Variants in RHOBTB2 observed in about 807,000 individuals in gnomAD.
The protein encoded by RHOBTB2 is rho-related BTB domain-containing protein 2.
A neutral mutation model predicts 66.5 loss-of-function variants in RHOBTB2; 39 were observed. The ratio of observed to expected loss-of-function variants is 0.59; its 90% CI spans 0.45 to 0.77. RHOBTB2 has a LOEUF of 0.77. Among genes scored for constraint, RHOBTB2 ranks in the 30% least tolerant of loss-of-function variants. The pLI, the probability that RHOBTB2 is intolerant of heterozygous loss-of-function variation, is 0.00. For synonymous variants in RHOBTB2, 390 were observed against 395.0 expected, an observed-to-expected ratio of 0.99 and a Z score of 0.15; for missense variants, 755 against 999.1, an observed-to-expected ratio of 0.76 and a Z score of 3.29.
chr8:22,997,030 G>A (rs947102747), upstream of RHOBTB2, among the ~76,000 whole-genome samples: 5 of 152,160 alleles, frequency 3.3e-5, no homozygotes, highest in Admixed American at 1.3e-4. Context: ...ACAGGCCGGC[G>A]GCTGCAGCTT....
chr8:23,019,917 A>ATCTC lies in RHOBTB2; in HGVS notation c.*2448_*2449insTCTC. On this transcript the variant is annotated 3_prime_UTR_variant, in exon 10 of 10. Transcript: ENST00000251822. The stretch of plus-strand genomic sequence containing the variant: ...AGAGGGAGGAGCAGGCAGGAGAGAG[A>ATCTC]GGGGAAGGAGGTATGAATCCCAGTC... 4.3e-6 allele frequency: 1 copy of ATCTC among 230,802 alleles called. No homozygotes were observed. The highest frequency in any genetic ancestry group is 5.5e-5 in the South Asian group (1 of 18,136). 14.3% of individuals were successfully genotyped at this position (230,802 alleles called of 1,614,324 possible). A position where few individuals can be genotyped will look rare whatever the true frequency, so the allele number is the denominator to read the frequency against.
Position 23,004,351 on chromosome 8 carries a change from C to T in RHOBTB2, c.-10-74C>T, listed in dbSNP as rs114528525. 1,354 of 1,285,168 alleles carry T rather than the reference C, an allele frequency of 1.1e-3. 16 individuals are homozygous for T. In the African/African-American group the frequency reaches 0.018, roughly 17 times the overall value. 79.6% of individuals were successfully genotyped at this position (1,285,168 alleles called of 1,614,324 possible). A position where few individuals can be genotyped will look rare whatever the true frequency, so the allele number is the denominator to read the frequency against. On this transcript the variant is annotated intron_variant, in intron 1 of 9. Transcript: ENST00000251822. This position sits in a 1 kb window ranked among gnomAD's most constrained non-coding sequence, Gnocchi z 6.4. ...GAGGGGGCAGCCTGGCTGAGGAGAGCTGCGGGTGCTGGCCCTGGCCCACGG... is the reference window on the plus strand; with the variant it reads ...GAGGGGGCAGCCTGGCTGAGGAGAGTTGCGGGTGCTGGCCCTGGCCCACGG...
In RHOBTB2 at chr8:23,019,763, G is replaced by A. The variant is rs145025761; in HGVS notation, c.*2294G>A. The stretch of plus-strand genomic sequence containing the variant: ...ACGGGATTCCCTGAGAAACAGGGCC[G>A]GCCCCCCAACTTCAGGGACCCACCG... On this transcript the variant is annotated 3_prime_UTR_variant, in exon 10 of 10. Coordinates refer to ENST00000251822, the MANE Select transcript of RHOBTB2 (RefSeq NM_015178.3). 14 of 160,330 alleles carry A rather than the reference G, an allele frequency of 8.7e-5. No homozygotes were observed. In the East Asian group the frequency reaches 1.1e-3, roughly 13 times the overall value. 9.9% of individuals were successfully genotyped at this position (160,330 alleles called of 1,614,324 possible).
intron 7 of RHOBTB2, 69 bp from the exon 8 acceptor site, chr8:23,014,621 G>T: frequency 7.2e-7 from 1 of 1,383,626 alleles, no homozygotes; most frequent in East Asian, 2.4e-5. Flanking sequence ...TGAGCTGGGG[G>T]ATGTGGTGGG....
At chr8:22,954,809 T>C in the RHOBTB2 span, among the ~76,000 whole-genome samples, 1 of 152,098 alleles carries the variant, frequency 6.6e-6, no homozygotes, top group Non-Finnish European at 1.5e-5. Context: ...TTTGACTATA[T>C]CTAAAACAAA....
intron 2 of RHOBTB2, among the ~76,000 whole-genome samples, chr8:22,992,769 A>T (rs1422262611): frequency 6.6e-6 from 1 of 152,234 alleles, no homozygotes; most frequent in East Asian, 1.9e-4. Flanking sequence ...ACCATGCCCC[A>T]ATTTCTTTAC....
chr8:23,008,168 A>G, intron 6 of RHOBTB2, 57 bp downstream of exon 6: 1 of 1,196,144 alleles, frequency 8.4e-7, no homozygotes, highest in South Asian at 1.3e-5. Context: ...CACCCTTTAC[A>G]TCTGAGGCAC....
In RHOBTB2 at chr8:23,017,149, C is replaced by T; in HGVS notation, c.1967-103C>T. The T allele has an allele frequency of 1.4e-6, 2 of 1,463,848 alleles. No individual in the cohort carries two copies. Among genetic ancestry groups the T allele is most frequent in the Non-Finnish European group, 1.9e-6 (2 of 1,063,934 alleles). 90.7% of individuals were successfully genotyped at this position (1,463,848 alleles called of 1,614,324 possible). On this transcript the variant is annotated intron_variant, in intron 9 of 9. Transcript: ENST00000251822. This position sits in a 1 kb window ranked among gnomAD's most constrained non-coding sequence, Gnocchi z 5.3. ...TCATGGGGATGTGCTGGGGGCTGGG[C>T]TGGAGGCCTGCTGCAGGCCTTGTGG...
At chr8:22,991,456 G>T (rs147187369) in intron 1 of RHOBTB2, among the ~76,000 whole-genome samples, 1 of 152,312 alleles carries the variant, frequency 6.6e-6, no homozygotes, top group East Asian at 1.9e-4. Flanking sequence ...GAAAAGAGGG[G>T]TCTGTGAAGA....
At chr8:23,010,495 A>G in intron 6 of RHOBTB2, 43 bp from the exon 7 acceptor site, 1 of 1,590,076 alleles carries the variant, frequency 6.3e-7, no homozygotes, top group Non-Finnish European at 8.6e-7. Context: ...ATCTTCTCCT[A>G]AGCAGGATCT....
In RHOBTB2 at chr8:23,008,107, G is replaced by A. The variant is rs765344134; in HGVS notation, c.1616G>A (p.Arg539Gln). The A allele has an allele frequency of 2.2e-5, 36 of 1,606,700 alleles. 1 individual carries two copies. Among genetic ancestry groups the A allele is most frequent in the East Asian group, 1.8e-4 (8 of 44,864 alleles). The change falls in exon 6 of 10, where the codon CGG becomes CAG. Residue 539 changes from arginine to glutamine, a missense_variant. Coordinates refer to ENST00000251822, the MANE Select transcript of RHOBTB2 (RefSeq NM_015178.3). Reference sequence around the variant, plus strand: ...GGGCCATTTGTGGAGAGCTCCACCCGGGAGGTAAGGCTGAGGACACAAAGG... The same window carrying A: ...GGGCCATTTGTGGAGAGCTCCACCCAGGAGGTAAGGCTGAGGACACAAAGG... ...FGGPFVESST[R>Q]EVVFPYTSKS... is the part of the protein sequence containing the mutation.
the RHOBTB2 span, among the ~76,000 whole-genome samples, chr8:22,952,676 C>G: frequency 6.6e-6 from 1 of 152,090 alleles, no homozygotes; most frequent in African/African-American, 2.4e-5. Context: ...AGGCCGAAGG[C>G]AGGTGGATCA....
the RHOBTB2 span, among the ~76,000 whole-genome samples, chr8:22,957,255 C>A: frequency 6.6e-6 from 1 of 152,168 alleles, no homozygotes; most frequent in Non-Finnish European, 1.5e-5. Context: ...TGAGGCTGAT[C>A]TTCACTGCTT....
the RHOBTB2 span, among the ~76,000 whole-genome samples, chr8:22,980,043 C>T: frequency 6.6e-6 from 1 of 152,034 alleles, no homozygotes; most frequent in East Asian, 1.9e-4. Flanking sequence ...CAGGTGTGAG[C>T]CACTGTGCCC....
chr8:22,967,386 A>C, the RHOBTB2 span, among the ~76,000 whole-genome samples: 1 of 152,178 alleles, frequency 6.6e-6, no homozygotes, highest in South Asian at 2.1e-4. Flanking sequence ...AGGCGGGTGG[A>C]TCACCTGAGG....
the RHOBTB2 span, among the ~76,000 whole-genome samples, chr8:22,974,608 C>T: frequency 6.6e-6 from 1 of 152,164 alleles, no homozygotes; most frequent in African/African-American, 2.4e-5. Flanking sequence ...ATTTCGGTTC[C>T]CTGAAGGCCT....
rs769856674 is a variant in RHOBTB2, at chr8:23,014,767, GA to G, written c.1851del (p.Glu617AspfsTer34). 2 of 1,613,828 alleles carry G rather than the reference GA, an allele frequency of 1.2e-6. No homozygotes were observed. The highest frequency in any genetic ancestry group is 2.7e-5 in the African/African-American group (2 of 74,922). On this transcript the variant is annotated frameshift_variant, in exon 8 of 10. Transcript: ENST00000251822. LOFTEE classifies it high-confidence loss of function. ...DIDGDVLVFLELAQFHCAYQL... is the reference protein window; with the variant it reads ...DIDGDVLVFLXLAQFHCAYQL... ...CGATGGGGACGTCCTTGTGTTCCTG[GA>G]ACTGGCTCAGGTATCATGGCAGGGG...
chr8:23,006,314 T>G lies in RHOBTB2; in HGVS notation c.482+169T>G. 1 of 622,936 alleles carries G rather than the reference T, an allele frequency of 1.6e-6. No individual in the cohort carries two copies. 38.6% of individuals were successfully genotyped at this position (622,936 alleles called of 1,614,324 possible). A position where few individuals can be genotyped will look rare whatever the true frequency, so the allele number is the denominator to read the frequency against. The stretch of plus-strand genomic sequence containing the variant: ...ATTCATTCATTCATTCATATACCTG[T>G]TGCACACCTCTGGTGTGGGCAGTGC... On this transcript the variant is annotated intron_variant, in intron 4 of 9. Coordinates refer to ENST00000251822, the MANE Select transcript of RHOBTB2 (RefSeq NM_015178.3). The surrounding 1 kb of genome is among the most constrained non-coding windows in gnomAD (Gnocchi z 6.1).
chr8:23,005,520 T>G, intron 3 of RHOBTB2, 45 bp downstream of exon 3: 1 of 1,284,816 alleles, frequency 7.8e-7, no homozygotes, highest in South Asian at 1.2e-5. Context: ...ACAGGGTGGG[T>G]TTTTCCCTGC....
Sources: gnomAD v4.1 joint callset for allele counts (sites outside exome capture counted in the v4.1 genomes callset) on GRCh38, gnomAD v4.1.1 for gene constraint, Gnocchi (gnomAD v3.1) non-coding constraint, MANE v1.5 for transcripts, NCBI Gene and HGNC (gene_info 2026-07-23, HGNC 2026-07-21) for gene names.